UGT1A6: variants seen among roughly 807,000 people sequenced by gnomAD.
UGT1A6 encodes UDP-glucuronosyltransferase 1A6.
Under a neutral mutation model 44.4 loss-of-function variants are expected in UGT1A6, and 32 were observed. The observed-to-expected ratio is 0.72, with a 90% CI of 0.54 to 0.97. The LOEUF is 0.97. UGT1A6 is among the 50% of genes least tolerant of loss of function. The pLI, the probability that UGT1A6 is intolerant of heterozygous loss-of-function variation, is 0.00. For missense variants in UGT1A6, 685 were observed against 661.9 expected (o/e 1.03, Z -0.38); for synonymous variants, 238 against 248.5 (o/e 0.96, Z 0.40).
Position 233,772,885 on chromosome 2 carries a change from A to C in UGT1A6, c.*326A>C. ...GGCCTGTTTGGGAGTGCGGGATTCA[A>C]AGGTGGTCCCACGGCTGCCCCTACT... On this transcript the variant is annotated 3_prime_UTR_variant, in exon 5 of 5. Transcript: ENST00000305139. 1.8e-6 allele frequency: 1 copy of C among 555,428 alleles called. No individual in the cohort carries two copies. Among genetic ancestry groups the C allele is most frequent in the Non-Finnish European group, 2.8e-6 (1 of 357,440 alleles). The allele number at this position is 555,428 out of a possible 1,614,324, so 34.4% of individuals were successfully genotyped here.
chr2:233,709,412 A>G (rs2076075448), intron 1 of UGT1A6, among the ~76,000 whole-genome samples: 1 of 152,214 alleles, frequency 6.6e-6, no homozygotes, highest in African/African-American at 2.4e-5. Flanking sequence ...TGAACACTCA[A>G]TAAGAATGTC....
At chr2:233,755,244 C>T (rs952358626) in intron 1 of UGT1A6, 19 of 852,102 alleles carry the variant, frequency 2.2e-5, no homozygotes, top group African/African-American at 5.1e-5. Flanking sequence ...CCGGGGTACT[C>T]CCAGCACCTC....
chr2:233,713,255 A>T (rs1242833896), intron 1 of UGT1A6: 5 of 1,614,152 alleles, frequency 3.1e-6, no homozygotes, highest in Non-Finnish European at 4.2e-6. Flanking sequence ...CCCAGGACGA[A>T]TTTGATCGCC....
chr2:233,737,087 A>G (rs955839676), intron 1 of UGT1A6, among the ~76,000 whole-genome samples: 1 of 152,174 alleles, frequency 6.6e-6, no homozygotes, highest in Non-Finnish European at 1.5e-5. Context: ...TCAGACAGGG[A>G]TGTTTAAGTC....
chr2:233,701,684 A>T (rs1575471996), intron 1 of UGT1A6, among the ~76,000 whole-genome samples: 1 of 152,382 alleles, frequency 6.6e-6, no homozygotes, highest in East Asian at 1.9e-4. Context: ...CTCAGAATTA[A>T]GAAAATCACT....
At position 233,772,830 on chromosome 2, in the gene UGT1A6, T is replaced by G; in HGVS notation, c.*271T>G. ...CAGAGGACGTGCAGACAGGCTGGCA[T>G]TCTAGATTACTTTTCTTACTCTGAA... On this transcript the variant is annotated 3_prime_UTR_variant, in exon 5 of 5. Transcript: ENST00000305139. 8.7e-6 allele frequency: 8 copies of G among 916,310 alleles called. No homozygotes were observed. Among genetic ancestry groups the G allele is most frequent in the Non-Finnish European group, 1.2e-5 (8 of 660,510 alleles). 56.8% of individuals were successfully genotyped at this position (916,310 alleles called of 1,614,324 possible).
intron 1 of UGT1A6, among the ~76,000 whole-genome samples, chr2:233,720,278 T>G (rs1449886876): frequency 6.6e-6 from 1 of 151,854 alleles, no homozygotes; most frequent in Non-Finnish European, 1.5e-5. Flanking sequence ...CTGAGAAAAG[T>G]TTTTCTGACC....
At chr2:233,760,987 G>T in intron 1 of UGT1A6, 1 of 1,614,140 alleles carries the variant, frequency 6.2e-7, no homozygotes. Context: ...TGCAACCCTT[G>T]CCTCAGAATT....
chr2:233,747,072 T>C (rs1174138764), intron 1 of UGT1A6: 1 of 1,024,362 alleles, frequency 9.8e-7, no homozygotes, highest in African/African-American at 1.6e-5. Context: ...TCGGTAATAA[T>C]TAACTAGGAG....
chr2:233,755,767 T>C (rs1575738311), intron 1 of UGT1A6: 1 of 152,920 alleles, frequency 6.5e-6, no homozygotes, highest in African/African-American at 2.4e-5. Context: ...CTTTTGTTCA[T>C]CTGGATTATG....
intron 1 of UGT1A6, among the ~76,000 whole-genome samples, chr2:233,725,523 T>C (rs970179720): frequency 6.6e-6 from 1 of 152,060 alleles, no homozygotes; most frequent in African/African-American, 2.4e-5. Context: ...TAAGGCATTG[T>C]TTAACCAGAC....
chr2:233,731,478 G>T lies in UGT1A6; in HGVS notation c.862-35556G>T, dbSNP rs546247495. 7.2e-5 allele frequency among the ~76,000 whole-genome samples: 11 copies of T among 152,100 alleles called. No individual in the cohort carries two copies. In the East Asian group the frequency reaches 2.1e-3, roughly 29 times the overall value. On this transcript the variant is annotated intron_variant, in intron 1 of 4. Transcript: ENST00000305139. ...AGGCCCTGGCGTGTGATGTTCCCTG[G>T]CCTGTGTCCAGTGTTCTTGCTGTTC... is the stretch of plus-strand genomic sequence containing the variant.
chr2:233,728,979 T>A, intron 1 of UGT1A6: 1 of 1,500,276 alleles, frequency 6.7e-7, no homozygotes, highest in Non-Finnish European at 8.9e-7. Flanking sequence ...AGATTAATGG[T>A]TAATAATTAA....
chr2:233,739,588 C>T (rs1487878859), intron 1 of UGT1A6, among the ~76,000 whole-genome samples: 1 of 152,180 alleles, frequency 6.6e-6, no homozygotes, highest in Non-Finnish European at 1.5e-5. Context: ...TTGCATGGGG[C>T]CTATAGCCCC....
At chr2:233,699,908 A>G (rs1025007086) in intron 1 of UGT1A6, among the ~76,000 whole-genome samples, 2 of 152,222 alleles carry the variant, frequency 1.3e-5, no homozygotes, top group African/African-American at 4.8e-5. Flanking sequence ...AGTCAGTAGG[A>G]TATACGTAGA....
At position 233,761,104 on chromosome 2, in the gene UGT1A6, G is replaced by T. The variant is rs143072292; in HGVS notation, c.862-5930G>T. On this transcript the variant is annotated intron_variant, in intron 1 of 4. Transcript: ENST00000305139. Reference sequence around the variant, plus strand: ...CCCTAGGCCCATCATGCCCAATATGGTTTTTGTTGGTGGAATCAACTGCCT... The same window carrying T: ...CCCTAGGCCCATCATGCCCAATATGTTTTTTGTTGGTGGAATCAACTGCCT... 1.9e-6 allele frequency: 3 copies of T among 1,614,078 alleles called. No homozygotes were observed. In the African/African-American group the frequency reaches 4.0e-5, roughly 22 times the overall value.
intron 1 of UGT1A6, among the ~76,000 whole-genome samples, chr2:233,701,918 C>T (rs936190696): frequency 6.6e-6 from 1 of 152,056 alleles, no homozygotes; most frequent in Non-Finnish European, 1.5e-5. Context: ...GACACCCTAA[C>T]ATCACAATTA....
At chr2:233,716,338 G>A (rs561710355) in intron 1 of UGT1A6, among the ~76,000 whole-genome samples, 6 of 152,144 alleles carry the variant, frequency 3.9e-5, no homozygotes, top group African/African-American at 1.2e-4. Context: ...CCAGGTTTGC[G>A]CAACTACAAT....
chr2:233,724,847 C>T (rs1352664169), intron 1 of UGT1A6, among the ~76,000 whole-genome samples: 1 of 131,490 alleles, frequency 7.6e-6, no homozygotes, highest in Non-Finnish European at 1.6e-5. Flanking sequence ...CCAAGGCAGG[C>T]GGCTGGGAGG....
Sources: allele counts gnomAD v4.1 joint callset (sites outside exome capture counted in the v4.1 genomes callset), GRCh38; gene constraint gnomAD v4.1.1; transcripts MANE v1.5; gene names NCBI Gene and HGNC (gene_info 2026-07-23, HGNC 2026-07-21).